Variants in ARMH3 observed in about 807,000 individuals in gnomAD.
ARMH3 encodes the protein armadillo-like helical domain-containing protein 3.
Under a neutral mutation model 99.1 loss-of-function variants are expected in ARMH3, and 60 were observed. That is an observed-to-expected ratio of 0.61 (90% CI 0.49 to 0.75). ARMH3 has a LOEUF of 0.75. Among genes scored for constraint, ARMH3 ranks in the 30% least tolerant of loss-of-function variants. The probability of loss-of-function intolerance (pLI) is 0.00; values close to 1 mark genes in which losing one functional copy is unlikely to be tolerated. For missense variants in ARMH3, 679 were observed against 843.1 expected, an observed-to-expected ratio of 0.81 and a Z score of 2.41; for synonymous variants, 285 against 292.8, an observed-to-expected ratio of 0.97 and a Z score of 0.27.
Position 101,990,585 on chromosome 10 carries a change from G to A in ARMH3, c.1372C>T (p.His458Tyr). 1.2e-6 allele frequency: 2 copies of A among 1,604,338 alleles called. No individual in the cohort carries two copies. The highest frequency in any genetic ancestry group is 1.7e-6 in the Non-Finnish European group (2 of 1,171,322). The change falls in exon 19 of 26, where the codon CAC becomes TAC. Residue 458 changes from histidine to tyrosine, a missense_variant. By Grantham distance (83) the His-to-Tyr change is moderately conservative. Around this residue, in one of 3 missense-constraint regions of ARMH3, gnomAD observed 389 missense variants for 456.5 expected, o/e 0.85. Transcript: ENST00000370033. ...LDLMVEFIVT[H>Y]MMKEFPMDLY... ...TCCATAGGAAACTCCTTCATCATGT[G>A]TGTTACAATAAACTCTACCATCAGG...
At chr10:102,035,048 C>T (rs906488041) in intron 2 of ARMH3, among the ~76,000 whole-genome samples, 1 of 152,114 alleles carries the variant, frequency 6.6e-6, no homozygotes, top group Non-Finnish European at 1.5e-5. Flanking sequence ...ACCAGCCTGG[C>T]GAACACGGTG....
chr10:101,884,757 C>T (rs887932700), intron 24 of ARMH3, among the ~76,000 whole-genome samples: 1 of 146,514 alleles, frequency 6.8e-6, no homozygotes, highest in Non-Finnish European at 1.5e-5. Flanking sequence ...AAAGCACAGG[C>T]AACAACAACA....
At chr10:101,860,674 T>C (rs757987506) in intron 24 of ARMH3, among the ~76,000 whole-genome samples, 1 of 152,186 alleles carries the variant, frequency 6.6e-6, no homozygotes, top group Non-Finnish European at 1.5e-5. Flanking sequence ...ATCTGAGAAT[T>C]TGTAAGCTGA....
At chr10:101,946,488 G>A (rs776568257) in intron 22 of ARMH3, among the ~76,000 whole-genome samples, 5 of 152,052 alleles carry the variant, frequency 3.3e-5, no homozygotes, top group Admixed American at 1.3e-4. Flanking sequence ...CTCCAGCCAG[G>A]GTGACACATA....
At chr10:101,924,660 A>C (rs997656955) in intron 23 of ARMH3, among the ~76,000 whole-genome samples, 1 of 151,856 alleles carries the variant, frequency 6.6e-6, no homozygotes, top group African/African-American at 2.4e-5. Context: ...CAGCCTGCTT[A>C]CATTTTCTTA....
chr10:102,028,519 A>G (rs956071692), intron 5 of ARMH3, among the ~76,000 whole-genome samples: 1 of 152,258 alleles, frequency 6.6e-6, no homozygotes, highest in Admixed American at 6.5e-5. Context: ...GGCTAAACAA[A>G]ATATAGTGAG....
intron 20 of ARMH3, among the ~76,000 whole-genome samples, chr10:101,970,169 C>T (rs1303848603): frequency 6.6e-6 from 1 of 152,240 alleles, no homozygotes; most frequent in African/African-American, 2.4e-5. Context: ...CTCTGCACAT[C>T]CTGCTCAATC....
At chr10:101,965,890 C>T (rs554365604) in intron 20 of ARMH3, among the ~76,000 whole-genome samples, 1 of 152,278 alleles carries the variant, frequency 6.6e-6, no homozygotes, top group Admixed American at 6.5e-5. Flanking sequence ...ATGTTCCCTT[C>T]CTTGGGGAGT....
chr10:102,007,833 CAAAAAAAA>C (rs529858697), intron 13 of ARMH3, among the ~76,000 whole-genome samples: 1 of 48,978 alleles, frequency 2.0e-5, no homozygotes, highest in Non-Finnish European at 4.2e-5. Flanking sequence ...ACACCATCTC[CAAAAAAAA>C]AAAAAAAAAA....
chr10:101,955,816 GTTA>G (rs1845008273), intron 22 of ARMH3, among the ~76,000 whole-genome samples: 1 of 152,178 alleles, frequency 6.6e-6, no homozygotes, highest in Non-Finnish European at 1.5e-5. Context: ...GACGGATATG[GTTA>G]TTATCCTGAT....
chr10:101,993,533 C>A lies in ARMH3; in HGVS notation c.1275+5G>T, dbSNP rs1451452000. 2 of 1,588,892 alleles carry A rather than the reference C, an allele frequency of 1.3e-6. No individual in the cohort carries two copies. Among genetic ancestry groups the A allele is most frequent in the Non-Finnish European group, 1.7e-6 (2 of 1,168,478 alleles). The stretch of plus-strand genomic sequence containing the variant: ...GAAAAAACAAGAAGCAAAAGAAACA[C>A]CTACCATTCTATGTAAGTTTACTCG... On this transcript the variant is annotated splice_donor_5th_base_variant and intron_variant, in intron 17 of 25. Transcript: ENST00000370033.
At chr10:102,049,582 CT>C (rs528823071) in intron 1 of ARMH3, among the ~76,000 whole-genome samples, 2,858 of 137,216 alleles carry the variant, frequency 0.021, 26 homozygotes, top group Middle Eastern at 0.03. Context: ...GGGCCTGCAA[CT>C]TTTTTTTTTT....
chr10:101,969,213 T>A (rs1464546605), intron 20 of ARMH3, among the ~76,000 whole-genome samples: 1 of 152,216 alleles, frequency 6.6e-6, no homozygotes, highest in Non-Finnish European at 1.5e-5. Context: ...TAAGATGTCA[T>A]CACTGGAGGA....
At chr10:101,992,149 C>T (rs368902225) in intron 17 of ARMH3, 111 bp from the exon 18 acceptor site, 1 of 907,946 alleles carries the variant, frequency 1.1e-6, no homozygotes, top group East Asian at 2.4e-5. Context: ...GGGATACTTC[C>T]TTTTCTTTCT....
chr10:102,044,066 G>GCCA (rs2067484949), intron 1 of ARMH3, among the ~76,000 whole-genome samples: 1 of 149,330 alleles, frequency 6.7e-6, no homozygotes, highest in South Asian at 2.1e-4. Flanking sequence ...ACAGATGTGT[G>GCCA]CCACCACACC....
chr10:102,017,968 A>G (rs991849601), intron 8 of ARMH3, among the ~76,000 whole-genome samples: 14 of 152,202 alleles, frequency 9.2e-5, no homozygotes, highest in Admixed American at 8.5e-4. Context: ...ACTAGGACTC[A>G]TATCAAAAAT....
chr10:101,871,717 G>A (rs774693474), intron 24 of ARMH3, among the ~76,000 whole-genome samples: 2 of 152,196 alleles, frequency 1.3e-5, no homozygotes, highest in South Asian at 2.1e-4. Context: ...AAAATACAAC[G>A]AGGCCGGGTA....
At chr10:102,043,199 G>C (rs2067464046) in intron 1 of ARMH3, among the ~76,000 whole-genome samples, 1 of 152,162 alleles carries the variant, frequency 6.6e-6, no homozygotes, top group Non-Finnish European at 1.5e-5. Flanking sequence ...TCCCAGAGGA[G>C]AGAACCACCA....
intron 25 of ARMH3, among the ~76,000 whole-genome samples, chr10:101,848,933 T>A (rs1255424381): frequency 6.6e-6 from 1 of 152,168 alleles, no homozygotes; most frequent in Non-Finnish European, 1.5e-5. Context: ...CCTGACCCTG[T>A]GGAAGTCCAA....
Sources: gnomAD v4.1 joint callset for allele counts (sites outside exome capture counted in the v4.1 genomes callset) on GRCh38, gnomAD v4.1.1 for gene constraint, gnomAD v4.1.1 regional missense constraint, MANE v1.5 for transcripts, NCBI Gene and HGNC (gene_info 2026-07-23, HGNC 2026-07-21) for gene names.